Variants in HNRNPA2B1 observed in about 807,000 individuals in gnomAD.
The protein encoded by HNRNPA2B1 is heterogeneous nuclear ribonucleoprotein A2/B1.
HNRNPA2B1 carries 3 observed loss-of-function variants against 46.3 expected under a neutral mutation model. The observed-to-expected ratio is 0.06, with a 90% confidence interval of 0.03 to 0.17. The LOEUF is 0.17. HNRNPA2B1 is among the 10% of genes least tolerant of loss of function. HNRNPA2B1 has a pLI of 1.00. For missense variants in HNRNPA2B1, 221 were observed against 418.9 expected (o/e 0.53, Z 4.12); for synonymous variants, 225 against 133.8 (o/e 1.68, Z -4.70).
At chr7:26,195,639 T>C (rs767473228) in intron 7 of HNRNPA2B1, 8 of 548,710 alleles carry the variant, frequency 1.5e-5, no homozygotes, top group Middle Eastern at 4.4e-4. Flanking sequence ...TGGTTATCTT[T>C]ACATTTTCAT....
intron 9 of HNRNPA2B1, 56 bp from the exon 10 acceptor site, chr7:26,192,633 G>C (rs1046568362): frequency 7.4e-7 from 1 of 1,356,596 alleles, no homozygotes; most frequent in Non-Finnish European, 1.1e-6. Flanking sequence ...CCCATGATCA[G>C]CCTAACACTA....
At chr7:26,193,072 A>G (rs1405087792) in intron 9 of HNRNPA2B1, among the ~76,000 whole-genome samples, 179 bp downstream of exon 9, 2 of 152,136 alleles carry the variant, frequency 1.3e-5, no homozygotes, top group Non-Finnish European at 2.9e-5. Context: ...ATTTGATGTC[A>G]TAACTGCTTG....
intron 7 of HNRNPA2B1, among the ~76,000 whole-genome samples, chr7:26,194,132 A>G (rs886973274): frequency 6.6e-6 from 1 of 152,256 alleles, no homozygotes; most frequent in Admixed American, 6.5e-5. Flanking sequence ...ACAGTGGCTC[A>G]TGCCTGTAAT....
Position 26,191,490 on chromosome 7 carries a change from A to T in HNRNPA2B1, c.*870T>A, listed in dbSNP as rs1036547053. 2.6e-5 allele frequency: 4 copies of T among 152,186 alleles called. No homozygotes were observed. The highest frequency in any genetic ancestry group is 9.6e-5 in the African/African-American group (4 of 41,452). 9.4% of individuals were successfully genotyped at this position (152,186 alleles called of 1,614,324 possible). On this transcript the variant is annotated 3_prime_UTR_variant, in exon 11 of 11. Transcript: ENST00000618183. ...CCTCAGCTTTCGTTGGCATCCTTAT[A>T]AACTACTGTAGTTAAAGTTTTGTAG...
chr7:26,193,151 C>G, intron 9 of HNRNPA2B1, 100 bp downstream of exon 9: 1 of 1,164,718 alleles, frequency 8.6e-7, no homozygotes, highest in South Asian at 1.5e-5. Context: ...GGAGCACTGC[C>G]CACAGTACAA....
chr7:26,193,502 G>C (rs983202945), intron 8 of HNRNPA2B1, 73 bp downstream of exon 8: 4 of 1,543,678 alleles, frequency 2.6e-6, no homozygotes, highest in Non-Finnish European at 3.5e-6. Context: ...GACAAACATG[G>C]AAACAAAAGA....
rs1030103823 is a variant in HNRNPA2B1, at chr7:26,200,724, C to T, written c.-147G>A. 3.1e-6 allele frequency: 3 copies of T among 982,678 alleles called. No homozygotes were observed. Among genetic ancestry groups the T allele is most frequent in the Non-Finnish European group, 3.2e-6 (2 of 624,482 alleles). 60.9% of individuals were successfully genotyped at this position (982,678 alleles called of 1,614,324 possible). A position where few individuals can be genotyped will look rare whatever the true frequency, so the allele number is the denominator to read the frequency against. On this transcript the variant is annotated 5_prime_UTR_variant, in exon 1 of 11. In the 5' UTR this introduces an upstream ATG that the reference lacks. Coordinates refer to ENST00000618183, the MANE Select transcript of HNRNPA2B1 (RefSeq NM_002137.4). ...CAACTCTGCGAGGAGCACCTCCGCACGGGACCCGGCGCTGCTGCTACTGCC... is the reference window on the plus strand; with the variant it reads ...CAACTCTGCGAGGAGCACCTCCGCATGGGACCCGGCGCTGCTGCTACTGCC...
intron 3 of HNRNPA2B1, 55 bp from the exon 4 acceptor site, chr7:26,197,072 T>C: frequency 2.9e-6 from 4 of 1,394,932 alleles, no homozygotes; most frequent in East Asian, 4.6e-5. Context: ...CAAGCATAAT[T>C]CAAAGCACCC....
intron 6 of HNRNPA2B1, 91 bp downstream of exon 6, chr7:26,196,310 G>A (rs1416031130): frequency 1.9e-6 from 2 of 1,047,146 alleles, no homozygotes; most frequent in Non-Finnish European, 2.8e-6. Context: ...AATTGACTTA[G>A]GTTGGATTTC....
intron 7 of HNRNPA2B1, among the ~76,000 whole-genome samples, chr7:26,193,990 C>T (rs1215387226): frequency 1.3e-5 from 2 of 152,202 alleles, no homozygotes; most frequent in Non-Finnish European, 1.5e-5. Flanking sequence ...TGGGTAAGGA[C>T]TGTGAGGCTA....
At position 26,193,389 on chromosome 7, in the gene HNRNPA2B1, A is replaced by G. The variant is rs546763424; in HGVS notation, c.842-16T>C. Reference sequence around the variant, plus strand: ...CCATAATTTCCTATTAAAAAATTGGAATACTCAGAACAATACAAACATTAA... The same window carrying G: ...CCATAATTTCCTATTAAAAAATTGGGATACTCAGAACAATACAAACATTAA... On this transcript the variant is annotated splice_polypyrimidine_tract_variant and intron_variant, in intron 8 of 10. Coordinates refer to ENST00000618183, the MANE Select transcript of HNRNPA2B1 (RefSeq NM_002137.4). 1.2e-6 allele frequency: 2 copies of G among 1,609,210 alleles called. No homozygotes were observed. Among genetic ancestry groups the G allele is most frequent in the African/African-American group, 1.3e-5 (1 of 74,888 alleles).
In HNRNPA2B1 at chr7:26,196,456, A is replaced by C; in HGVS notation, c.603T>G (p.Arg201=). The change falls in exon 6 of 11, where the codon CGT becomes CGG. Residue 201 remains arginine (R), a synonymous_variant. Coordinates refer to ENST00000618183, the MANE Select transcript of HNRNPA2B1 (RefSeq NM_002137.4). ...RGGNFGFGDS[R]GGGGNFGPGP... ...CTGGTCCGAAATTTCCACCGCCACC[A>C]CGTGAATCCCCAAAGCCAAAGTTGC... The C allele has an allele frequency of 6.2e-7, 1 of 1,614,190 alleles. No individual in the cohort carries two copies. Among genetic ancestry groups the C allele is most frequent in the Non-Finnish European group, 8.5e-7 (1 of 1,180,032 alleles).
chr7:26,193,040 ACCT>A (rs1255949215), intron 9 of HNRNPA2B1, among the ~76,000 whole-genome samples: 1 of 151,902 alleles, frequency 6.6e-6, no homozygotes, highest in Non-Finnish European at 1.5e-5. Flanking sequence ...GAACACCCCC[ACCT>A]CCAACATCCC....
Position 26,197,544 on chromosome 7 carries a change from GAT to G in HNRNPA2B1, c.117+76_117+77del, listed in dbSNP as rs536691253. ...TCATAATAGAATTTTTTACTATGCTGATAGTTATTTCCTCCATGATTCACTTA... is the reference window on the plus strand; with the variant it reads ...TCATAATAGAATTTTTTACTATGCTGAGTTATTTCCTCCATGATTCACTTA... On this transcript the variant is annotated intron_variant, in intron 2 of 10. Transcript: ENST00000618183. 2.7e-4 allele frequency: 417 copies of G among 1,560,582 alleles called. 9 individuals are homozygous for G. The South Asian group carries it at 4.5e-3, about 17-fold the overall frequency.
chr7:26,194,093 A>AT, intron 7 of HNRNPA2B1, among the ~76,000 whole-genome samples: 1 of 152,298 alleles, frequency 6.6e-6, no homozygotes, highest in Non-Finnish European at 1.5e-5. Context: ...TACGAATTAC[A>AT]TATCTTAAAA....
chr7:26,195,447 G>A (rs796116347), intron 7 of HNRNPA2B1, among the ~76,000 whole-genome samples: 24 of 152,284 alleles, frequency 1.6e-4, no homozygotes, highest in African/African-American at 5.8e-4. Flanking sequence ...CTTTTTGAAA[G>A]TTATCCTGGG....
At chr7:26,200,271 G>C in intron 1 of HNRNPA2B1, 1 of 455,062 alleles carries the variant, frequency 2.2e-6, no homozygotes, top group East Asian at 3.9e-5. Flanking sequence ...TTTAGAAAGG[G>C]AATAAGAATT....
chr7:26,198,135 A>G (rs890013945), intron 1 of HNRNPA2B1: 19 of 319,008 alleles, frequency 6.0e-5, no homozygotes, highest in Non-Finnish European at 8.4e-5. Context: ...TAAAAACGCA[A>G]ATTTCTATTT....
At position 26,200,458 on chromosome 7, in the gene HNRNPA2B1, G is replaced by T. The variant is rs1445988173; in HGVS notation, c.6+114C>A. 1.0e-5 allele frequency: 11 copies of T among 1,048,530 alleles called. No individual in the cohort carries two copies. In the Admixed American group the frequency reaches 1.9e-4, roughly 18 times the overall value. 65.0% of individuals were successfully genotyped at this position (1,048,530 alleles called of 1,614,324 possible). On this transcript the variant is annotated intron_variant, in intron 1 of 10. Transcript: ENST00000618183. ...ATAAACCTTAAGCCCCACTGCTACT[G>T]AATTGGTCCGATTTCCTGCCTCTCT...
Sources: gnomAD v4.1 joint callset for allele counts (sites outside exome capture counted in the v4.1 genomes callset) on GRCh38, gnomAD v4.1.1 for gene constraint, MANE v1.5 for transcripts, NCBI Gene and HGNC (gene_info 2026-07-23, HGNC 2026-07-21) for gene names.